DNER: variants seen among roughly 807,000 people sequenced by gnomAD.
The protein encoded by DNER is delta and Notch-like epidermal growth factor-related receptor.
Under a neutral mutation model 78.2 loss-of-function variants are expected in DNER, and 33 were observed. That is an observed-to-expected ratio of 0.42 (90% CI 0.32 to 0.56). The LOEUF is 0.56. Among genes scored for constraint, DNER ranks in the 20% least tolerant of loss-of-function variants. DNER has a pLI of 0.11. For missense variants in DNER, 918 were observed against 975.3 expected (o/e 0.94, Z 0.78); for synonymous variants, 417 against 384.8 (o/e 1.08, Z -0.98).
At chr2:229,550,220 T>C (rs140015991) in intron 4 of DNER, among the ~76,000 whole-genome samples, 4,466 of 151,950 alleles carry the variant, frequency 0.029, 196 homozygotes, top group African/African-American at 0.094. Flanking sequence ...CTCGAACTCC[T>C]GGCCTCAAGT....
chr2:229,645,436 A>G (rs1293936742), intron 1 of DNER, among the ~76,000 whole-genome samples: 18 of 152,212 alleles, frequency 1.2e-4, no homozygotes, highest in Admixed American at 1.2e-3. Context: ...GATCCCTCTC[A>G]ATCTGTTCTT....
chr2:229,600,037 C>T (rs1334022903), intron 1 of DNER, among the ~76,000 whole-genome samples: 1 of 152,184 alleles, frequency 6.6e-6, no homozygotes, highest in Non-Finnish European at 1.5e-5. Context: ...GATTCCCCAG[C>T]TCCAGGCCAT....
intron 1 of DNER, among the ~76,000 whole-genome samples, chr2:229,711,252 T>G (rs1041048885): frequency 1.3e-5 from 2 of 152,080 alleles, no homozygotes; most frequent in Admixed American, 6.5e-5. Context: ...TGTTTTGATG[T>G]GGAGGAAAAG....
chr2:229,513,884 C>T (rs1286977359), intron 5 of DNER, among the ~76,000 whole-genome samples: 1 of 151,960 alleles, frequency 6.6e-6, no homozygotes, highest in East Asian at 1.9e-4. Context: ...ATCCCCTCAC[C>T]CTCCCTCCCT....
chr2:229,651,273 G>A (rs1698812119), intron 1 of DNER, among the ~76,000 whole-genome samples: 1 of 152,216 alleles, frequency 6.6e-6, no homozygotes, highest in Non-Finnish European at 1.5e-5. Context: ...CAATTAATGA[G>A]AGTCCATTTC....
At chr2:229,380,135 A>G (rs1692702358) in intron 11 of DNER, among the ~76,000 whole-genome samples, 1 of 152,196 alleles carries the variant, frequency 6.6e-6, no homozygotes, top group Admixed American at 6.5e-5. Flanking sequence ...AATGTGGTCA[A>G]GTTGGTCAAG....
At chr2:229,471,222 C>T (rs967191991) in intron 7 of DNER, among the ~76,000 whole-genome samples, 1 of 152,016 alleles carries the variant, frequency 6.6e-6, no homozygotes, top group Admixed American at 6.6e-5. Flanking sequence ...AAACAATACA[C>T]ATTATCTGAG....
At chr2:229,520,850 G>A (rs562008062) in intron 5 of DNER, among the ~76,000 whole-genome samples, 28 of 152,266 alleles carry the variant, frequency 1.8e-4, no homozygotes, top group East Asian at 1.7e-3. Flanking sequence ...ATCTCTGCTC[G>A]CCTTAAGGAA....
intron 6 of DNER, among the ~76,000 whole-genome samples, chr2:229,509,719 G>A (rs1695825007): frequency 6.6e-6 from 1 of 152,202 alleles, no homozygotes; most frequent in African/African-American, 2.4e-5. Context: ...GAGGGCTGAA[G>A]CAGGAGAATC....
At chr2:229,547,190 T>A (rs1420170476) in intron 4 of DNER, 98 bp from the exon 5 acceptor site, 1 of 1,498,750 alleles carries the variant, frequency 6.7e-7, no homozygotes, top group Non-Finnish European at 8.9e-7. Flanking sequence ...AGACTATGAA[T>A]TTAGTGTAGG....
intron 1 of DNER, among the ~76,000 whole-genome samples, chr2:229,620,089 C>T (rs1243795579): frequency 2.7e-5 from 4 of 149,978 alleles, no homozygotes; most frequent in Non-Finnish European, 4.4e-5. Flanking sequence ...ATGGGATGCA[C>T]GGGAAGTTTG....
chr2:229,684,163 AGAGAGAGTGT>A lies in DNER; in HGVS notation c.276+29975_276+29984del, dbSNP rs1426115112. 8.0e-3 allele frequency among the ~76,000 whole-genome samples: 1,038 copies of A among 130,236 alleles called. 11 individuals carry two copies. The highest frequency in any genetic ancestry group is 0.023 in the African/African-American group (748 of 33,162). 85.4% of individuals were successfully genotyped at this position (130,236 alleles called of 152,430 possible). A position where few individuals can be genotyped will look rare whatever the true frequency, so the allele number is the denominator to read the frequency against. ...GTGTATGTGAGAGAGAGAGAGAGAGAGAGAGAGTGTGTGTGTGTGTGTGTGTGTGTGTGTG... is the reference window on the plus strand; with the variant it reads ...GTGTATGTGAGAGAGAGAGAGAGAGAGTGTGTGTGTGTGTGTGTGTGTGTG... On this transcript the variant is annotated intron_variant, in intron 1 of 12. Transcript: ENST00000341772.
intron 1 of DNER, among the ~76,000 whole-genome samples, chr2:229,686,869 T>C (rs1481275704): frequency 6.6e-6 from 1 of 152,150 alleles, no homozygotes; most frequent in Non-Finnish European, 1.5e-5. Context: ...TACAATCAAT[T>C]CCCTTCACAT....
intron 4 of DNER, among the ~76,000 whole-genome samples, chr2:229,571,240 G>T (rs1022818274): frequency 2.0e-5 from 3 of 151,990 alleles, no homozygotes; most frequent in Non-Finnish European, 2.9e-5. Context: ...CCCAGGCCTG[G>T]GCCCGATGTG....
At chr2:229,543,268 C>A (rs1014414141) in intron 5 of DNER, among the ~76,000 whole-genome samples, 1 of 152,154 alleles carries the variant, frequency 6.6e-6, no homozygotes, top group African/African-American at 2.4e-5. Context: ...GCTTTTGATT[C>A]GCTTTTTTTC....
chr2:229,490,782 C>A (rs893408189), intron 6 of DNER, among the ~76,000 whole-genome samples: 1 of 152,130 alleles, frequency 6.6e-6, no homozygotes, highest in African/African-American at 2.4e-5. Flanking sequence ...TGGAGTCATT[C>A]ACAACTCTCC....
chr2:229,529,197 T>A (rs1167924981), intron 5 of DNER, among the ~76,000 whole-genome samples: 5 of 145,176 alleles, frequency 3.4e-5, no homozygotes, highest in African/African-American at 1.3e-4. Context: ...ACATAATATC[T>A]TTTTTTTTTT....
At chr2:229,529,803 T>A (rs1431023911) in intron 5 of DNER, among the ~76,000 whole-genome samples, 3 of 152,090 alleles carry the variant, frequency 2.0e-5, no homozygotes, top group Non-Finnish European at 4.4e-5. Context: ...AGCCCAGAAG[T>A]TCGAGACCAG....
chr2:229,391,533 T>C (rs1489269383), intron 10 of DNER, among the ~76,000 whole-genome samples: 3 of 151,946 alleles, frequency 2.0e-5, no homozygotes, highest in African/African-American at 4.8e-5. Flanking sequence ...TCTTTTATAA[T>C]TCTTTTTTCT....
Sources: allele counts gnomAD v4.1 joint callset (sites outside exome capture counted in the v4.1 genomes callset), GRCh38; gene constraint gnomAD v4.1.1; transcripts MANE v1.5; gene names NCBI Gene and HGNC (gene_info 2026-07-23, HGNC 2026-07-21).